AUTS2: variants seen among roughly 807,000 people sequenced by gnomAD.
The protein encoded by AUTS2 is autism susceptibility gene 2 protein.
A neutral mutation model predicts 112.4 loss-of-function variants in AUTS2; 17 were observed. The observed-to-expected ratio is 0.15, with a 90% CI of 0.10 to 0.23. AUTS2 has a LOEUF of 0.23. Among genes scored for constraint, AUTS2 ranks in the 10% least tolerant of loss-of-function variants. The pLI is 1.00. For missense variants in AUTS2, 1,510 were observed against 1,701.6 expected (o/e 0.89, Z 1.98); for synonymous variants, 751 against 702.7 (o/e 1.07, Z -1.09).
chr7:70,271,125 C>T (rs1351731389), intron 4 of AUTS2, among the ~76,000 whole-genome samples: 2 of 152,064 alleles, frequency 1.3e-5, no homozygotes, highest in Non-Finnish European at 2.9e-5. Flanking sequence ...GCACTGCTTA[C>T]CTTACAGCAG....
intron 2 of AUTS2, among the ~76,000 whole-genome samples, chr7:69,978,045 A>C (rs1339647501): frequency 6.6e-6 from 1 of 152,196 alleles, no homozygotes. Flanking sequence ...ATGCTTTTAA[A>C]ACAGTGGTTA....
At chr7:70,604,392 C>T (rs1357481559) in intron 5 of AUTS2, among the ~76,000 whole-genome samples, 2 of 152,174 alleles carry the variant, frequency 1.3e-5, no homozygotes, top group South Asian at 2.1e-4. Context: ...CTTTTACTTG[C>T]TGTGATTGTG....
chr7:70,603,440 A>G (rs1406995761), intron 5 of AUTS2, among the ~76,000 whole-genome samples: 3 of 152,196 alleles, frequency 2.0e-5, no homozygotes, highest in Non-Finnish European at 4.4e-5. Flanking sequence ...ACACCAAGGA[A>G]AGTGCTTCAG....
intron 5 of AUTS2, among the ~76,000 whole-genome samples, chr7:70,488,015 C>T (rs1038492262): frequency 2.0e-5 from 3 of 152,202 alleles, no homozygotes; most frequent in Non-Finnish European, 4.4e-5. Context: ...TGGGCAAATG[C>T]TGCCTGCTCA....
intron 4 of AUTS2, among the ~76,000 whole-genome samples, chr7:70,220,144 C>G (rs1370575667): frequency 2.0e-5 from 3 of 152,176 alleles, no homozygotes; most frequent in African/African-American, 7.2e-5. Flanking sequence ...ATAGATAACG[C>G]AAAAATAAAT....
intron 2 of AUTS2, among the ~76,000 whole-genome samples, chr7:69,968,852 T>G (rs919779950): frequency 3.9e-5 from 6 of 152,206 alleles, no homozygotes; most frequent in Non-Finnish European, 7.4e-5. Context: ...ACTGCATTTT[T>G]TTTTTCTGTG....
At chr7:70,255,428 C>CAA (rs202036691) in intron 4 of AUTS2, among the ~76,000 whole-genome samples, 3 of 149,776 alleles carry the variant, frequency 2.0e-5, no homozygotes, top group African/African-American at 4.9e-5. Context: ...ATACTAATTG[C>CAA]AAAAAAAAAT....
chr7:70,781,937 T>C, intron 15 of AUTS2, 181 bp downstream of exon 15: 1 of 686,078 alleles, frequency 1.5e-6, no homozygotes, highest in South Asian at 2.1e-5. Flanking sequence ...TGATACACTC[T>C]CTTTCATTAA....
intron 2 of AUTS2, among the ~76,000 whole-genome samples, chr7:69,951,373 T>C (rs913619473): frequency 6.6e-6 from 1 of 152,134 alleles, no homozygotes; most frequent in Non-Finnish European, 1.5e-5. Flanking sequence ...TCTCAGTTCT[T>C]GTTCTGATCA....
intron 1 of AUTS2, among the ~76,000 whole-genome samples, chr7:69,836,419 TG>T (rs1378482028): frequency 6.6e-6 from 1 of 152,206 alleles, no homozygotes; most frequent in Non-Finnish European, 1.5e-5. Context: ...TTTATCTTTT[TG>T]TAGTAAGGAT....
At position 69,668,600 on chromosome 7, in the gene AUTS2, A is replaced by G. The variant is rs1272608278; in HGVS notation, c.309+68638A>G. On this transcript the variant is annotated intron_variant, in intron 1 of 18. Transcript: ENST00000342771. The stretch of plus-strand genomic sequence containing the variant: ...CTCTTTCCCATGAACCTAGCAACCA[A>G]TTTGCTTATAGTTCCTTCAAAGCTG... Among the ~76,000 whole-genome samples the G allele has an allele frequency of 3.3e-5, 5 of 152,272 alleles. No individual in the cohort carries two copies. The South Asian group carries it at 6.2e-4, about 19-fold the overall frequency.
intron 4 of AUTS2, among the ~76,000 whole-genome samples, chr7:70,306,655 C>T (rs906456454): frequency 1.3e-5 from 2 of 152,138 alleles, no homozygotes; most frequent in South Asian, 4.1e-4. Flanking sequence ...CAGTATGATG[C>T]GTAGAACTTT....
At chr7:70,719,799 T>C (rs12532316) in intron 6 of AUTS2, among the ~76,000 whole-genome samples, 91,928 of 151,988 alleles carry the variant, frequency 0.6, 27,885 homozygotes, top group Middle Eastern at 0.74. Flanking sequence ...TGGAAAAGTC[T>C]AGACTCTAAG....
chr7:69,948,373 T>C (rs747448660), intron 2 of AUTS2, among the ~76,000 whole-genome samples: 30 of 152,250 alleles, frequency 2.0e-4, no homozygotes, highest in Non-Finnish European at 3.8e-4. Context: ...GTCTTATGCC[T>C]GTGGCCTACA....
intron 5 of AUTS2, among the ~76,000 whole-genome samples, chr7:70,485,236 C>T (rs1389723275): frequency 7.2e-5 from 11 of 152,232 alleles, no homozygotes; most frequent in African/African-American, 2.6e-4. Context: ...AAACTAAATG[C>T]CCATCAATCA....
intron 1 of AUTS2, among the ~76,000 whole-genome samples, chr7:69,649,945 A>G (rs927051286): frequency 1.3e-5 from 2 of 152,050 alleles, no homozygotes; most frequent in African/African-American, 4.8e-5. Context: ...TTTTTTTCCT[A>G]TTCCTTTCTC....
intron 2 of AUTS2, among the ~76,000 whole-genome samples, chr7:69,975,317 A>T (rs1199231468): frequency 6.6e-6 from 1 of 151,810 alleles, no homozygotes; most frequent in South Asian, 2.1e-4. Context: ...TTTAACTATG[A>T]TGTGTCTTGG....
At chr7:70,266,358 C>A (rs1464578701) in intron 4 of AUTS2, among the ~76,000 whole-genome samples, 1 of 152,114 alleles carries the variant, frequency 6.6e-6, no homozygotes, top group East Asian at 1.9e-4. Context: ...AATCCATTGC[C>A]AGTGGCTGAA....
intron 15 of AUTS2, chr7:70,783,239 C>A (rs906739105): frequency 6.6e-6 from 1 of 152,202 alleles, no homozygotes; most frequent in Non-Finnish European, 1.5e-5. Flanking sequence ...GATGAATATT[C>A]TGGAATATAT....
Sources: allele counts gnomAD v4.1 joint callset (sites outside exome capture counted in the v4.1 genomes callset), GRCh38; gene constraint gnomAD v4.1.1; transcripts MANE v1.5; gene names NCBI Gene and HGNC (gene_info 2026-07-23, HGNC 2026-07-21).